The following CAPS2 variants were observed in gnomAD, a reference collection of about 807,000 sequenced individuals.
CAPS2 encodes the protein calcyphosine 2, also known as calcyphosin-2.
Under a neutral mutation model 86.5 loss-of-function variants are expected in CAPS2, and 98 were observed. The ratio of observed to expected loss-of-function variants is 1.13; its 90% CI spans 0.96 to 1.34. CAPS2 has a LOEUF of 1.34. Ranked by LOEUF, CAPS2 falls within the 40% of genes most tolerant of loss-of-function variation. The probability of loss-of-function intolerance (pLI) is 0.00; values close to 1 mark genes in which losing one functional copy is unlikely to be tolerated. For missense variants in CAPS2, 729 were observed against 686.8 expected, an observed-to-expected ratio of 1.06 and a Z score of -0.69; for synonymous variants, 210 against 225.1, an observed-to-expected ratio of 0.93 and a Z score of 0.60.
upstream of CAPS2, among the ~76,000 whole-genome samples, chr12:75,329,578 G>GA (rs904612463): frequency 2.7e-5 from 4 of 146,988 alleles, no homozygotes; most frequent in African/African-American, 1.0e-4. Context: ...TATCAAATCA[G>GA]AAAAAAATGA....
intron 1 of CAPS2, among the ~76,000 whole-genome samples, chr12:75,339,764 A>G (rs1410384260): frequency 6.6e-6 from 1 of 152,040 alleles, no homozygotes; most frequent in East Asian, 1.9e-4. Flanking sequence ...TAATTTTTGG[A>G]TAAGGTGTAA....
At chr12:75,329,915 AG>A, upstream of CAPS2, 1 of 1,506,384 alleles carries the variant, frequency 6.6e-7, no homozygotes. Context: ...AGAGACAGTC[AG>A]CCTGATTTCA....
At chr12:75,326,939 G>A (rs545157934), upstream of CAPS2, among the ~76,000 whole-genome samples, 1 of 152,244 alleles carries the variant, frequency 6.6e-6, no homozygotes, top group South Asian at 2.1e-4. Context: ...GAGAGGTGAA[G>A]ATGCTAGGCA....
At chr12:75,327,224 T>TA (rs2040866933), upstream of CAPS2, among the ~76,000 whole-genome samples, 1 of 152,258 alleles carries the variant, frequency 6.6e-6, no homozygotes, top group Non-Finnish European at 1.5e-5. Context: ...CATATACATT[T>TA]ATTTCCTTTA....
intron 1 of CAPS2, among the ~76,000 whole-genome samples, chr12:75,358,342 T>C (rs1460363230): frequency 1.3e-5 from 2 of 151,958 alleles, no homozygotes; most frequent in African/African-American, 2.4e-5. Flanking sequence ...AATTTAGCTA[T>C]TGAATCCAAC....
intron 1 of CAPS2, among the ~76,000 whole-genome samples, chr12:75,382,179 CAAT>C (rs1435484589): frequency 6.6e-6 from 1 of 152,076 alleles, no homozygotes; most frequent in East Asian, 1.9e-4. Flanking sequence ...AAAATAAAAA[CAAT>C]GTTTCTAATA....
chr12:75,284,757 T>C (rs966196096), intron 15 of CAPS2, among the ~76,000 whole-genome samples: 1 of 152,120 alleles, frequency 6.6e-6, no homozygotes, highest in Non-Finnish European at 1.5e-5. Context: ...CCTTTCATAG[T>C]ATTTTTCTAA....
At chr12:75,276,356 T>C (rs2032930154), downstream of CAPS2, 1 of 1,417,870 alleles carries the variant, frequency 7.1e-7, no homozygotes. Context: ...TAGCCTAATG[T>C]ACACAATTCT....
chr12:75,312,979 A>G, intron 6 of CAPS2, 64 bp from the exon 7 acceptor site: 2 of 872,146 alleles, frequency 2.3e-6, no homozygotes, highest in Middle Eastern at 2.2e-4. Flanking sequence ...TACTTAACAC[A>G]AAAGTTCTAA....
chr12:75,298,247 A>G (rs1028356947), intron 11 of CAPS2: 3 of 160,532 alleles, frequency 1.9e-5, no homozygotes, highest in Admixed American at 1.8e-4. Context: ...AAAGTGGGAA[A>G]ATCACAAGGA....
downstream of CAPS2, chr12:75,275,986 T>TA (rs144236844): frequency 0.011 from 4,139 of 385,998 alleles, 36 homozygotes; most frequent in Non-Finnish European, 0.015. Context: ...GGCTCCAATA[T>TA]GAAACATTTA....
chr12:75,333,049 G>A (rs1382343456), upstream of CAPS2, among the ~76,000 whole-genome samples: 1 of 152,212 alleles, frequency 6.6e-6, no homozygotes, highest in African/African-American at 2.4e-5. Context: ...GAGAATGCCA[G>A]AGAACTAGCC....
chr12:75,298,725 T>C, exon 11 of CAPS2: 1 of 1,614,164 alleles, frequency 6.2e-7, no homozygotes, highest in Non-Finnish European at 8.5e-7. Flanking sequence ...TTTCCTTTTC[T>C]TCGTCCACAC....
At chr12:75,316,467 C>A in intron 5 of CAPS2, 33 bp from the exon 6 acceptor site, 1 of 1,499,924 alleles carries the variant, frequency 6.7e-7, no homozygotes, top group Non-Finnish European at 8.9e-7. Flanking sequence ...AAGCATCATA[C>A]ACATATTTAG....
At chr12:75,281,074 T>C (rs1414592228) in intron 16 of CAPS2, among the ~76,000 whole-genome samples, 1 of 151,910 alleles carries the variant, frequency 6.6e-6, no homozygotes. Context: ...TCCCTAGTAA[T>C]GAAGGAACTC....
chr12:75,346,711 T>A (rs1257816473), intron 1 of CAPS2, among the ~76,000 whole-genome samples: 5 of 152,338 alleles, frequency 3.3e-5, no homozygotes, highest in African/African-American at 1.2e-4. Flanking sequence ...GGTAAATATT[T>A]TTTTTGCTGG....
chr12:75,334,383 A>G, upstream of CAPS2: 2 of 783,630 alleles, frequency 2.6e-6, no homozygotes, highest in Non-Finnish European at 3.2e-6. Flanking sequence ...CTTGTTCTTT[A>G]CCTAACTTGT....
intron 1 of CAPS2, among the ~76,000 whole-genome samples, chr12:75,359,357 CTTTTTTTTT>C (rs61616225): frequency 7.0e-5 from 2 of 28,600 alleles, no homozygotes; most frequent in African/African-American, 2.8e-4. Flanking sequence ...GCATTGTTGT[CTTTTTTTTT>C]TTTTTTTTTT....
chr12:75,280,572 AT>A, intron 16 of CAPS2, among the ~76,000 whole-genome samples: 1 of 152,038 alleles, frequency 6.6e-6, no homozygotes, highest in African/African-American at 2.4e-5. Context: ...AAAGAAAAAA[AT>A]ACATGATGTT....
Sources: gnomAD v4.1 joint callset for allele counts (sites outside exome capture counted in the v4.1 genomes callset) on GRCh38, gnomAD v4.1.1 for gene constraint, MANE v1.5 for transcripts, NCBI Gene and HGNC (gene_info 2026-07-23, HGNC 2026-07-21) for gene names.